Variants in NFIB observed in about 807,000 individuals in gnomAD.
The protein encoded by NFIB is nuclear factor I B, also known as nuclear factor 1 B-type.
In NFIB, 11 loss-of-function variants were observed where a neutral mutation model predicts 61.5. The observed-to-expected ratio is 0.18, with a 90% CI of 0.11 to 0.30. NFIB has a LOEUF of 0.30. Ranked by LOEUF, NFIB falls within the 10% of genes least tolerant of loss-of-function variation. The probability of loss-of-function intolerance (pLI) is 1.00; values close to 1 mark genes in which losing one functional copy is unlikely to be tolerated. For missense variants in NFIB, 471 were observed against 608.9 expected (o/e 0.77, Z 2.38); for synonymous variants, 260 against 216.5 (o/e 1.20, Z -1.76).
chr9:14,150,968 T>A (rs2042806992), intron 4 of NFIB, among the ~76,000 whole-genome samples: 1 of 152,152 alleles, frequency 6.6e-6, no homozygotes, highest in Admixed American at 6.6e-5. Context: ...ATTTTTTAAA[T>A]TTAATTTTAG....
chr9:14,278,190 G>A (rs1027808362), intron 2 of NFIB, among the ~76,000 whole-genome samples: 4 of 152,166 alleles, frequency 2.6e-5, no homozygotes, highest in African/African-American at 4.8e-5. Context: ...CCCAGATCAC[G>A]TGGAGAACAC....
At chr9:14,142,755 T>A (rs960745279) in intron 6 of NFIB, among the ~76,000 whole-genome samples, 2 of 152,140 alleles carry the variant, frequency 1.3e-5, no homozygotes, top group African/African-American at 4.8e-5. Context: ...GTTCTATTCA[T>A]TAATCATTAA....
chr9:14,282,611 C>T (rs1169251615), intron 2 of NFIB, among the ~76,000 whole-genome samples: 1 of 152,178 alleles, frequency 6.6e-6, no homozygotes, highest in East Asian at 1.9e-4. Context: ...TTGCGTATTT[C>T]TTCAAAGTGT....
intron 1 of NFIB, among the ~76,000 whole-genome samples, chr9:14,358,767 C>T (rs188404022): frequency 2.6e-4 from 39 of 152,246 alleles, no homozygotes; most frequent in Non-Finnish European, 4.9e-4. Context: ...TCTGTTGCAG[C>T]CAACTCATAT....
At chr9:14,527,034 A>G in the NFIB span, among the ~76,000 whole-genome samples, 2 of 152,220 alleles carry the variant, frequency 1.3e-5, no homozygotes, top group Non-Finnish European at 2.9e-5. Context: ...AAAATAAATC[A>G]TGGAAAATGA....
chr9:14,393,308 A>G (rs111405349), intron 1 of NFIB, among the ~76,000 whole-genome samples: 13 of 152,288 alleles, frequency 8.5e-5, no homozygotes, highest in African/African-American at 2.2e-4. Flanking sequence ...ACATTTCACC[A>G]TCTGGTGTCT....
chr9:14,237,036 A>G (rs1246685513), intron 2 of NFIB, among the ~76,000 whole-genome samples: 4 of 152,082 alleles, frequency 2.6e-5, no homozygotes. Flanking sequence ...ACTTGTGCAT[A>G]TGGTATCCTC....
the NFIB span, among the ~76,000 whole-genome samples, chr9:14,442,905 T>G: frequency 4.5e-4 from 68 of 152,182 alleles, no homozygotes; most frequent in African/African-American, 1.3e-3. Context: ...TCAGGTATAG[T>G]GTTTGCAGTC....
chr9:14,176,199 T>A (rs1035144657), intron 3 of NFIB, among the ~76,000 whole-genome samples: 41 of 151,742 alleles, frequency 2.7e-4, no homozygotes, highest in Admixed American at 7.9e-4. Context: ...CAAGAGTTGT[T>A]TGCTATAACC....
At chr9:14,114,590 C>T (rs1471780150) in intron 9 of NFIB, among the ~76,000 whole-genome samples, 1 of 152,142 alleles carries the variant, frequency 6.6e-6, no homozygotes, top group Non-Finnish European at 1.5e-5. Flanking sequence ...CCAAGATACT[C>T]CTTTTGAATA....
chr9:14,333,915 C>T (rs1474092511), intron 1 of NFIB, among the ~76,000 whole-genome samples: 1 of 152,192 alleles, frequency 6.6e-6, no homozygotes, highest in Non-Finnish European at 1.5e-5. Flanking sequence ...TGATTTCTAA[C>T]AATACAAACT....
At chr9:14,245,079 A>T (rs1056413592) in intron 2 of NFIB, among the ~76,000 whole-genome samples, 4 of 152,168 alleles carry the variant, frequency 2.6e-5, no homozygotes, top group African/African-American at 9.7e-5. Flanking sequence ...GTTTGGGATA[A>T]CAACAGCTAA....
intron 3 of NFIB, among the ~76,000 whole-genome samples, chr9:14,176,358 T>C (rs979823849): frequency 6.6e-6 from 1 of 151,970 alleles, no homozygotes; most frequent in Non-Finnish European, 1.5e-5. Flanking sequence ...AAAAATGAAG[T>C]GCTTAGCGCT....
chr9:14,256,288 C>T (rs868640840), intron 2 of NFIB, among the ~76,000 whole-genome samples: 1 of 151,862 alleles, frequency 6.6e-6, no homozygotes, highest in Non-Finnish European at 1.5e-5. Flanking sequence ...CATTCCATAC[C>T]AAAACATGGT....
At chr9:14,280,718 G>A (rs181641068) in intron 2 of NFIB, among the ~76,000 whole-genome samples, 214 of 152,256 alleles carry the variant, frequency 1.4e-3, no homozygotes, top group Non-Finnish European at 1.5e-3. Context: ...GGAGGTGTCT[G>A]TGGTTCCTTG....
chr9:14,308,248 C>T (rs112857313), intron 1 of NFIB, among the ~76,000 whole-genome samples: 1 of 152,266 alleles, frequency 6.6e-6, no homozygotes, highest in African/African-American at 2.4e-5. Context: ...CACAGCTCGT[C>T]GTATCAGTGT....
At chr9:14,285,586 T>C (rs1357847010) in intron 2 of NFIB, among the ~76,000 whole-genome samples, 3 of 152,200 alleles carry the variant, frequency 2.0e-5, no homozygotes, top group African/African-American at 7.2e-5. Flanking sequence ...CAGCGATAAC[T>C]GCATGGATCA....
chr9:14,300,823 C>A (rs536677025), intron 2 of NFIB, among the ~76,000 whole-genome samples: 24 of 152,124 alleles, frequency 1.6e-4, no homozygotes, highest in African/African-American at 5.6e-4. Context: ...AGAAAGCAAA[C>A]GGTTTTATAT....
chr9:14,193,799 G>A (rs1016271258), intron 2 of NFIB, among the ~76,000 whole-genome samples: 7 of 152,070 alleles, frequency 4.6e-5, no homozygotes, highest in South Asian at 2.1e-4. Context: ...ATAACAGCCC[G>A]GCTAGAGGCA....
Sources: gnomAD v4.1 joint callset for allele counts (sites outside exome capture counted in the v4.1 genomes callset) on GRCh38, gnomAD v4.1.1 for gene constraint, MANE v1.5 for transcripts, NCBI Gene and HGNC (gene_info 2026-07-23, HGNC 2026-07-21) for gene names.